The following CSMD2 variants were observed in gnomAD, a reference collection of about 807,000 sequenced individuals.
CSMD2 encodes CUB and sushi domain-containing protein 2.
CSMD2 carries 130 observed loss-of-function variants against 398.5 expected under a neutral mutation model. The ratio of observed to expected loss-of-function variants is 0.33; its 90% CI spans 0.28 to 0.38. The LOEUF is 0.38. Ranked by LOEUF, CSMD2 falls within the 10% of genes least tolerant of loss-of-function variation. The pLI is 1.00. For synonymous variants in CSMD2, 1,828 were observed against 1,908.5 expected, an observed-to-expected ratio of 0.96 and a Z score of 1.10; for missense variants, 3,829 against 4,764.9, an observed-to-expected ratio of 0.80 and a Z score of 5.78.
intron 7 of CSMD2, 50 bp downstream of exon 7, chr1:33,825,647 G>T (rs1471611930): frequency 2.0e-6 from 3 of 1,524,080 alleles, no homozygotes; most frequent in Non-Finnish European, 2.7e-6. Context: ...GCCTGCACGT[G>T]TGACCTCAAG....
intron 3 of CSMD2, among the ~76,000 whole-genome samples, chr1:33,949,858 C>A (rs1644949435): frequency 6.6e-6 from 1 of 152,190 alleles, no homozygotes; most frequent in Non-Finnish European, 1.5e-5. Context: ...TGACTCCAGA[C>A]CCCAAGTCTT....
At chr1:33,723,676 C>T (rs948475998) in intron 19 of CSMD2, among the ~76,000 whole-genome samples, 7 of 152,202 alleles carry the variant, frequency 4.6e-5, no homozygotes, top group Middle Eastern at 3.4e-3. Flanking sequence ...AGAAGGGGAT[C>T]GCTGTGTTCA....
intron 2 of CSMD2, among the ~76,000 whole-genome samples, chr1:34,047,164 C>T (rs1224132296): frequency 6.6e-6 from 1 of 152,136 alleles, no homozygotes; most frequent in Admixed American, 6.5e-5. Context: ...CCCGCTCCCA[C>T]TCCATCACCA....
intron 1 of CSMD2, among the ~76,000 whole-genome samples, chr1:34,146,534 G>T (rs555248299): frequency 6.6e-6 from 1 of 152,316 alleles, no homozygotes; most frequent in East Asian, 1.9e-4. Flanking sequence ...GGAGGCCATA[G>T]CCCTGCCACT....
At chr1:33,764,741 A>G (rs1650269184) in intron 13 of CSMD2, among the ~76,000 whole-genome samples, 1 of 152,252 alleles carries the variant, frequency 6.6e-6, no homozygotes, top group Non-Finnish European at 1.5e-5. Context: ...TGCTGATCCC[A>G]ACTCTGGCTC....
intron 5 of CSMD2, chr1:33,863,924 A>G (rs1639748194): frequency 2.6e-6 from 1 of 385,592 alleles, no homozygotes; most frequent in Admixed American, 4.3e-5. Context: ...GCAAACATTG[A>G]CCCTCAAGTA....
intron 2 of CSMD2, among the ~76,000 whole-genome samples, chr1:34,068,780 T>C (rs1655396470): frequency 6.6e-6 from 1 of 152,168 alleles, no homozygotes; most frequent in Non-Finnish European, 1.5e-5. Context: ...GGCAGGTCTT[T>C]CCCCTGCTGT....
At chr1:34,073,660 G>C (rs1655985372) in intron 2 of CSMD2, among the ~76,000 whole-genome samples, 1 of 152,150 alleles carries the variant, frequency 6.6e-6, no homozygotes. Context: ...TTTTTAAAAG[G>C]AAATTGAATG....
intron 9 of CSMD2, chr1:33,813,025 T>G (rs949668915): frequency 2.0e-5 from 3 of 152,194 alleles, no homozygotes; most frequent in Non-Finnish European, 4.4e-5. Context: ...GACTCAGAAC[T>G]CTAGCCCTGC....
At chr1:33,736,694 T>G (rs116683176) in intron 15 of CSMD2, among the ~76,000 whole-genome samples, 1,567 of 152,266 alleles carry the variant, frequency 0.01, 37 homozygotes, top group African/African-American at 0.036. Context: ...ACTAAGCCCC[T>G]GCAGGCTCAG....
chr1:34,121,544 C>T (rs1662185654), intron 1 of CSMD2, among the ~76,000 whole-genome samples: 2 of 152,110 alleles, frequency 1.3e-5, no homozygotes, highest in African/African-American at 2.4e-5. Context: ...TACAAATCAC[C>T]TTGGCATTTA....
In CSMD2 at chr1:33,772,669, T is replaced by G; in HGVS notation, c.1746A>C (p.Thr582=). ...AGGCGGGCTGGCACTCAAACTTGAG[T>G]GTGTCACCGTGGTGAAACCGGGAGC... ...REGSRFHHGD[T]LKFECQPAFE... The change falls in exon 13 of 71, where the codon ACA becomes ACC. Residue 582 remains threonine, a synonymous_variant. Coordinates refer to ENST00000373381, the MANE Select transcript of CSMD2 (RefSeq NM_001281956.2). 6.2e-7 allele frequency: 1 copy of G among 1,614,108 alleles called. No individual in the cohort carries two copies. The highest frequency in any genetic ancestry group is 8.5e-7 in the Non-Finnish European group (1 of 1,179,990).
chr1:33,829,105 G>T (rs1659162653), intron 6 of CSMD2, among the ~76,000 whole-genome samples: 1 of 152,326 alleles, frequency 6.6e-6, no homozygotes, highest in African/African-American at 2.4e-5. Context: ...AGAATCCACA[G>T]GTAGAGTCTT....
chr1:33,714,857 A>T (rs1646114741), intron 20 of CSMD2, 82 bp from the exon 21 acceptor site: 1 of 1,385,776 alleles, frequency 7.2e-7, no homozygotes, highest in Non-Finnish European at 1.0e-6. Flanking sequence ...CAGGCAAAAC[A>T]CCAGGGGGAA....
rs1642808853 is a variant in CSMD2 at position 33,636,456 on chromosome 1, G to A, written c.4873C>T (p.His1625Tyr). ...GTGCCCTCAACTTCGTAGCCCCCGTGGCAGTAGTAGGTGACGGAGGAGCCC... is the reference window on the plus strand; with the variant it reads ...GTGCCCTCAACTTCGTAGCCCCCGTAGCAGTAGTAGGTGACGGAGGAGCCC... Reference protein sequence around the residue: ...KLGSSVTYYCHGGYEVEGTST... With the variant: ...KLGSSVTYYCYGGYEVEGTST... The change falls in exon 30 of 71, where the codon CAC (histidine) becomes TAC (tyrosine). Residue 1625 changes from histidine (H) to tyrosine (Y), a missense_variant. Physicochemically the swap from His to Tyr is moderately conservative, Grantham distance 83 (BLOSUM62 2). Around this residue, in one of 5 missense-constraint regions of CSMD2, gnomAD observed 2,001 missense variants for 2,567.1 expected, o/e 0.78. Transcript: ENST00000373381. This position sits in a 1 kb window ranked among gnomAD's most constrained non-coding sequence, Gnocchi z 4.8. The A allele has an allele frequency of 1.9e-6, 3 of 1,614,074 alleles. No homozygotes were observed. Among genetic ancestry groups the A allele is most frequent in the African/African-American group, 1.3e-5 (1 of 74,928 alleles).
intron 13 of CSMD2, among the ~76,000 whole-genome samples, chr1:33,766,742 A>C (rs1650551159): frequency 6.6e-6 from 1 of 152,274 alleles, no homozygotes; most frequent in Non-Finnish European, 1.5e-5. Context: ...GAAGCTAACA[A>C]AGTTTACAAG....
intron 10 of CSMD2, among the ~76,000 whole-genome samples, chr1:33,801,810 G>C (rs1655641885): frequency 1.3e-5 from 2 of 152,182 alleles, no homozygotes; most frequent in Admixed American, 1.3e-4. Flanking sequence ...TGCCCAGACA[G>C]GTCTTAAAGG....
intron 3 of CSMD2, among the ~76,000 whole-genome samples, chr1:34,030,686 C>T (rs947192504): frequency 5.9e-5 from 9 of 152,168 alleles, no homozygotes; most frequent in Admixed American, 4.6e-4. Flanking sequence ...TGCTTGTGCC[C>T]CTAACAGGGC....
At chr1:34,054,903 G>T (rs1185671546) in intron 2 of CSMD2, among the ~76,000 whole-genome samples, 1 of 152,082 alleles carries the variant, frequency 6.6e-6, no homozygotes, top group Non-Finnish European at 1.5e-5. Context: ...TATTCTTTGG[G>T]TTTGTTTACC....
Sources: allele counts gnomAD v4.1 joint callset (sites outside exome capture counted in the v4.1 genomes callset), GRCh38; gene constraint gnomAD v4.1.1; regional missense constraint gnomAD v4.1.1; non-coding constraint Gnocchi (gnomAD v3.1); transcripts MANE v1.5; gene names NCBI Gene and HGNC (gene_info 2026-07-23, HGNC 2026-07-21).